The following UTP18 variants were observed in gnomAD, a reference collection of about 807,000 sequenced individuals.
UTP18 encodes U3 small nucleolar RNA-associated protein 18 homolog.
Under a neutral mutation model 61.1 loss-of-function variants are expected in UTP18, and 36 were observed. The observed-to-expected ratio is 0.59, with a 90% confidence interval of 0.45 to 0.78. UTP18 has a LOEUF of 0.78. Ranked by LOEUF, UTP18 falls within the 30% of genes least tolerant of loss-of-function variation. UTP18 has a pLI of 0.00. For missense variants in UTP18, 753 were observed against 693.9 expected (o/e 1.09, Z -0.96); for synonymous variants, 282 against 251.1 (o/e 1.12, Z -1.16).
intron 9 of UTP18, among the ~76,000 whole-genome samples, chr17:51,280,822 AT>A (rs1412048482): frequency 1.3e-5 from 2 of 149,144 alleles, no homozygotes; most frequent in Non-Finnish European, 1.5e-5. Context: ...CAATAAAAAA[AT>A]TTTTTTTTTA....
In UTP18 at chr17:51,263,263, G is replaced by C. The variant is rs1377423597; in HGVS notation, c.343-11G>C. 6.2e-7 allele frequency: 1 copy of C among 1,612,400 alleles called. No homozygotes were observed. Among genetic ancestry groups the C allele is most frequent in the South Asian group, 1.1e-5 (1 of 90,956 alleles). On this transcript the variant is annotated splice_polypyrimidine_tract_variant and intron_variant, in intron 1 of 13. Transcript: ENST00000225298. ...AAATCTCAGTGCTTGAGGGTGTTTTGTCTGCTGTAGGTTCAAGAACATGAA... is the reference window on the plus strand; with the variant it reads ...AAATCTCAGTGCTTGAGGGTGTTTTCTCTGCTGTAGGTTCAAGAACATGAA...
At chr17:51,280,170 C>CAA in intron 8 of UTP18, 65 bp downstream of exon 8, 1 of 1,502,222 alleles carries the variant, frequency 6.7e-7, no homozygotes, top group East Asian at 2.3e-5. Context: ...TAGTCTTGCA[C>CAA]CTTAACTCAG....
At chr17:51,266,644 G>A (rs2055564317) in intron 3 of UTP18, among the ~76,000 whole-genome samples, 1 of 152,172 alleles carries the variant, frequency 6.6e-6, no homozygotes. Context: ...TGGGGGATGT[G>A]TGTGCTTTCC....
intron 9 of UTP18, among the ~76,000 whole-genome samples, chr17:51,283,500 G>A (rs1359796097): frequency 1.3e-5 from 2 of 151,850 alleles, no homozygotes; most frequent in Non-Finnish European, 2.9e-5. Context: ...TCGTTTGTGT[G>A]ATTAGTAACA....
intron 4 of UTP18, among the ~76,000 whole-genome samples, chr17:51,272,997 A>G (rs1904577900): frequency 6.6e-6 from 1 of 152,246 alleles, no homozygotes; most frequent in Non-Finnish European, 1.5e-5. Flanking sequence ...ATCAGTAGCC[A>G]ACCTGTTGCC....
At position 51,260,576 on chromosome 17, in the gene UTP18, A is replaced by G. The variant is rs1454592387; in HGVS notation, c.-9A>G. 2 of 1,611,056 alleles carry G rather than the reference A, an allele frequency of 1.2e-6. No individual in the cohort carries two copies. The highest frequency in any genetic ancestry group is 1.7e-5 in the Admixed American group (1 of 59,664). On this transcript the variant is annotated 5_prime_UTR_variant, in exon 1 of 14. Coordinates refer to ENST00000225298, the MANE Select transcript of UTP18 (RefSeq NM_016001.3). ...ACGTGAGCGCCTGCGTTTCTCCTCAAACCTAACGATGCCGCCGGAGCGGAG... is the reference window on the plus strand; with the variant it reads ...ACGTGAGCGCCTGCGTTTCTCCTCAGACCTAACGATGCCGCCGGAGCGGAG...
At chr17:51,273,471 G>A in intron 5 of UTP18, 21 bp downstream of exon 5, 2 of 1,583,032 alleles carry the variant, frequency 1.3e-6, no homozygotes, top group Non-Finnish European at 1.7e-6. Context: ...GTGAAGTTGG[G>A]GGATCCTATC....
At position 51,280,162 on chromosome 17, in the gene UTP18, G is replaced by C. The variant is rs1483361766; in HGVS notation, c.1113+57G>C. On this transcript the variant is annotated intron_variant, in intron 8 of 13. Coordinates refer to ENST00000225298, the MANE Select transcript of UTP18 (RefSeq NM_016001.3). ...CCCACAAGACACTAGTGTAGGGATA[G>C]TCTTGCACCTTAACTCAGTGTGTCC... 2.0e-6 allele frequency: 3 copies of C among 1,529,292 alleles called. No individual in the cohort carries two copies. The African/African-American group carries it at 4.1e-5, about 21-fold the overall frequency. The allele number at this position is 1,529,292 out of a possible 1,614,324, so 94.7% of individuals were successfully genotyped here. A position where few individuals can be genotyped will look rare whatever the true frequency, so the allele number is the denominator to read the frequency against.
In UTP18 at chr17:51,274,970, G is replaced by A. The variant is rs545582987; in HGVS notation, c.712-896G>A. Among the ~76,000 whole-genome samples the A allele has an allele frequency of 3.3e-5, 5 of 151,890 alleles. No homozygotes were observed. In the South Asian group the frequency reaches 1.0e-3, roughly 32 times the overall value. On this transcript the variant is annotated intron_variant, in intron 5 of 13. Coordinates refer to ENST00000225298, the MANE Select transcript of UTP18 (RefSeq NM_016001.3). ...CCCAGCACTTTGGGAGGCCGAGGCGGGCAGATCACCTGAGGTTGGGAGTTT... is the reference window on the plus strand; with the variant it reads ...CCCAGCACTTTGGGAGGCCGAGGCGAGCAGATCACCTGAGGTTGGGAGTTT...
At chr17:51,268,783 T>A in intron 3 of UTP18, 54 bp from the exon 4 acceptor site, 1 of 1,470,976 alleles carries the variant, frequency 6.8e-7, no homozygotes, top group Non-Finnish European at 9.5e-7. Flanking sequence ...TGTATCAAGC[T>A]TTATGGACAT....
chr17:51,288,315 T>C (rs1215549321), intron 11 of UTP18, 112 bp downstream of exon 11: 1 of 1,086,716 alleles, frequency 9.2e-7, no homozygotes, highest in Non-Finnish European at 1.3e-6. Context: ...GTGGCTTCTT[T>C]TGATATAGGA....
At chr17:51,291,294 C>A (rs994142262) in intron 11 of UTP18, among the ~76,000 whole-genome samples, 3 of 152,172 alleles carry the variant, frequency 2.0e-5, no homozygotes, top group African/African-American at 7.2e-5. Flanking sequence ...TAGTTTTAAT[C>A]AGGTGAGATC....
At chr17:51,281,450 G>A (rs140814565) in intron 9 of UTP18, among the ~76,000 whole-genome samples, 133 of 151,832 alleles carry the variant, frequency 8.8e-4, no homozygotes, top group Non-Finnish European at 1.6e-3. Context: ...TTGTCACTTG[G>A]TTTTCAGGAA....
At chr17:51,283,433 G>C (rs1245934183) in intron 9 of UTP18, among the ~76,000 whole-genome samples, 2 of 152,110 alleles carry the variant, frequency 1.3e-5, no homozygotes, top group African/African-American at 4.8e-5. Context: ...CTCCCAAAGT[G>C]CTGGGATTAT....
In UTP18 at chr17:51,289,846, T is replaced by A. The variant is rs1905202401; in HGVS notation, c.1503+1643T>A. Among the ~76,000 whole-genome samples the A allele has an allele frequency of 2.0e-5, 3 of 152,358 alleles. No individual in the cohort carries two copies. In the South Asian group the frequency reaches 6.2e-4, roughly 32 times the overall value. On this transcript the variant is annotated intron_variant, in intron 11 of 13. Coordinates refer to ENST00000225298, the MANE Select transcript of UTP18 (RefSeq NM_016001.3). The stretch of plus-strand genomic sequence containing the variant: ...GTTTACAAAGATTTACAAAGAGTTC[T>A]ACAAAAAGTTTGAGCCAAGTAACAG...
Position 51,280,493 on chromosome 17 carries a change from A to AT in UTP18, c.1204+15dup. 3 of 1,612,816 alleles carry AT rather than the reference A, an allele frequency of 1.9e-6. No homozygotes were observed. Among genetic ancestry groups the AT allele is most frequent in the South Asian group, 2.2e-5 (2 of 90,986 alleles). On this transcript the variant is annotated intron_variant, in intron 9 of 13. Transcript: ENST00000225298. ...ACGCCTCTTCGGGTAAGACAACGAC[A>AT]TGAAAGAAGCTAAGGATATTTTTAC...
chr17:51,277,618 A>G (rs1273243021), intron 7 of UTP18, among the ~76,000 whole-genome samples: 1 of 152,128 alleles, frequency 6.6e-6, no homozygotes, highest in Non-Finnish European at 1.5e-5. Flanking sequence ...ATGGAGCTAG[A>G]AGACCTGGAT....
intron 1 of UTP18, among the ~76,000 whole-genome samples, chr17:51,262,319 C>G (rs1030383192): frequency 1.3e-5 from 2 of 152,056 alleles, no homozygotes; most frequent in African/African-American, 4.8e-5. Context: ...CTCCTGACCT[C>G]GTGATCCGCC....
At chr17:51,272,091 TTTG>T (rs1226500646) in intron 4 of UTP18, among the ~76,000 whole-genome samples, 7 of 152,042 alleles carry the variant, frequency 4.6e-5, no homozygotes, top group East Asian at 3.9e-4. Context: ...CATAGTTTTT[TTTG>T]TTGTTGTTGT....
Sources: allele counts gnomAD v4.1 joint callset (sites outside exome capture counted in the v4.1 genomes callset), GRCh38; gene constraint gnomAD v4.1.1; transcripts MANE v1.5; gene names NCBI Gene and HGNC (gene_info 2026-07-23, HGNC 2026-07-21).